C7: variants seen among roughly 807,000 people sequenced by gnomAD.
C7 encodes complement C7.
C7 carries 83 observed loss-of-function variants against 104.8 expected under a neutral mutation model. The observed-to-expected ratio is 0.79, with a 90% CI of 0.66 to 0.95. The LOEUF is 0.95. C7 is among the 40% of genes least tolerant of loss of function. C7 has a pLI of 0.00. For missense variants in C7, 1,070 were observed against 1,011.2 expected (o/e 1.06, Z -0.79); for synonymous variants, 415 against 360.6 (o/e 1.15, Z -1.71).
rs781598538 is a variant in C7 at position 40,947,657 on chromosome 5, A to G, written c.794A>G (p.Asn265Ser). The G allele has an allele frequency of 1.2e-6, 2 of 1,613,606 alleles. No homozygotes were observed. Among genetic ancestry groups the G allele is most frequent in the Admixed American group, 1.7e-5 (1 of 59,898 alleles). ...NTVEVAQFIN[N>S]NPEFLQLAEP... Reference sequence around the variant, plus strand: ...GTTGAAGTGGCTCAGTTCATTAATAACAATCCAGAATTTTTACAACTTGCT... The same window carrying G: ...GTTGAAGTGGCTCAGTTCATTAATAGCAATCCAGAATTTTTACAACTTGCT... Residue 265 changes from asparagine (N) to serine (S), a missense_variant, in exon 8 of 18, where the codon AAC (asparagine) becomes AGC (serine). Asn to Ser is a conservative substitution (Grantham distance 46). Coordinates refer to ENST00000313164, the MANE Select transcript of C7 (RefSeq NM_000587.4).
At chr5:40,914,661 C>T (rs979588950) in intron 1 of C7, among the ~76,000 whole-genome samples, 1 of 152,068 alleles carries the variant, frequency 6.6e-6, no homozygotes, top group Admixed American at 6.6e-5. Flanking sequence ...GACAGGAGGA[C>T]CTTCACATTT....
intron 8 of C7, among the ~76,000 whole-genome samples, chr5:40,948,839 G>A (rs1579857252): frequency 6.6e-6 from 1 of 152,158 alleles, no homozygotes; most frequent in Admixed American, 6.5e-5. Flanking sequence ...AGAAGAATAA[G>A]ATCTCTTACA....
At chr5:40,975,440 T>G (rs1033430275) in intron 15 of C7, among the ~76,000 whole-genome samples, 1 of 150,228 alleles carries the variant, frequency 6.7e-6, no homozygotes, top group Non-Finnish European at 1.5e-5. Flanking sequence ...CTTGGTTCAC[T>G]GCAACCTCCA....
At chr5:40,969,821 G>T (rs3805225) in intron 14 of C7, among the ~76,000 whole-genome samples, 13,378 of 151,530 alleles carry the variant, frequency 0.088, 832 homozygotes, top group East Asian at 0.19. Flanking sequence ...GTTACCAAAT[G>T]TAAATGTAAT....
chr5:40,981,739 A>C lies in C7; in HGVS notation c.*166A>C. On this transcript the variant is annotated 3_prime_UTR_variant, in exon 18 of 18. Transcript: ENST00000313164. The stretch of plus-strand genomic sequence containing the variant: ...TAAACACAATCCTTTGTTCTCCCAA[A>C]TCTGAATCGAATTACTCTTTTGCCT... The C allele has an allele frequency of 1.8e-6, 1 of 546,510 alleles. No individual in the cohort carries two copies. The highest frequency in any genetic ancestry group is 3.1e-6 in the Non-Finnish European group (1 of 318,568). 33.9% of individuals were successfully genotyped at this position (546,510 alleles called of 1,614,324 possible).
At chr5:40,951,251 A>G (rs1324756958) in intron 9 of C7, among the ~76,000 whole-genome samples, 2 of 152,140 alleles carry the variant, frequency 1.3e-5, no homozygotes, top group African/African-American at 4.8e-5. Context: ...TAAGTTCCTT[A>G]TATATTCTGA....
chr5:40,915,015 C>T (rs945915517), intron 1 of C7, among the ~76,000 whole-genome samples: 1 of 152,038 alleles, frequency 6.6e-6, no homozygotes, highest in Non-Finnish European at 1.5e-5. Context: ...GATGAAGCAA[C>T]CCCAAGAAAT....
chr5:40,935,227 C>T (rs1739787533), intron 4 of C7, among the ~76,000 whole-genome samples: 1 of 152,162 alleles, frequency 6.6e-6, no homozygotes, highest in African/African-American at 2.4e-5. Flanking sequence ...GCAATCACTT[C>T]CATATTTTCC....
chr5:40,966,376 CTT>C (rs543978425), intron 14 of C7, among the ~76,000 whole-genome samples: 7 of 144,602 alleles, frequency 4.8e-5, no homozygotes, highest in Non-Finnish European at 4.6e-5. Context: ...GGTTTTCTTT[CTT>C]TTTTTTTTTT....
chr5:40,971,543 T>G (rs1199490330), intron 14 of C7, among the ~76,000 whole-genome samples: 1 of 152,248 alleles, frequency 6.6e-6, no homozygotes, highest in Non-Finnish European at 1.5e-5. Context: ...GGTTGCCTGT[T>G]TACTCTGATG....
At chr5:40,940,443 A>G (rs1344969697) in intron 6 of C7, among the ~76,000 whole-genome samples, 2 of 152,208 alleles carry the variant, frequency 1.3e-5, no homozygotes, top group African/African-American at 4.8e-5. Context: ...GCAGAAGGGA[A>G]TGAATTATGA....
chr5:40,943,812 G>T (rs1739993191), intron 6 of C7, among the ~76,000 whole-genome samples: 1 of 149,464 alleles, frequency 6.7e-6, no homozygotes, highest in Non-Finnish European at 1.5e-5. Flanking sequence ...TCTAATAAAA[G>T]ATTTGTTGAA....
chr5:40,928,820 A>T (rs1332377531), intron 2 of C7, among the ~76,000 whole-genome samples, 185 bp downstream of exon 2: 1 of 152,192 alleles, frequency 6.6e-6, no homozygotes, highest in African/African-American at 2.4e-5. Context: ...TCTTTTACTT[A>T]AAGAAGAATA....
In C7 at chr5:40,972,499, C is replaced by T. The variant is rs1740722058; in HGVS notation, c.1979C>T (p.Ser660Leu). ...GGTGAGAAGGTGACTGTTTCCTGTT[C>T]AGGTGGCATGTCCTTAGAAGGTCCT... ...TVGEKVTVSC[S>L]GGMSLEGPSA... Residue 660 changes from serine to leucine, a missense_variant, in exon 15 of 18, where the codon TCA becomes TTA. Transcript: ENST00000313164. The T allele has an allele frequency of 5.0e-6, 8 of 1,613,840 alleles. No individual in the cohort carries two copies. The East Asian group carries it at 1.8e-4, about 36-fold the overall frequency.
intron 16 of C7, among the ~76,000 whole-genome samples, chr5:40,978,140 G>GAAAAAAAAA (rs869311131): frequency 9.3e-6 from 1 of 107,634 alleles, no homozygotes; most frequent in Non-Finnish European, 1.9e-5. Context: ...ATCTCAAAAA[G>GAAAAAAAAA]AAAAAAAAAA....
chr5:40,916,712 T>C (rs1739326586), intron 1 of C7, among the ~76,000 whole-genome samples: 1 of 152,276 alleles, frequency 6.6e-6, no homozygotes, highest in East Asian at 1.9e-4. Context: ...TTTATTTTTT[T>C]TTTAAAAAAG....
At chr5:40,930,853 A>C (rs563810744) in intron 2 of C7, among the ~76,000 whole-genome samples, 1 of 152,312 alleles carries the variant, frequency 6.6e-6, no homozygotes, top group South Asian at 2.1e-4. Flanking sequence ...GGTTTGAGCC[A>C]CTGTGCCAGC....
At chr5:40,912,980 T>C (rs925628810) in intron 1 of C7, among the ~76,000 whole-genome samples, 2 of 152,176 alleles carry the variant, frequency 1.3e-5, no homozygotes, top group Non-Finnish European at 2.9e-5. Context: ...GAGTCTCCAA[T>C]GTCTATTATT....
At chr5:40,948,701 A>G (rs1422765980) in intron 8 of C7, among the ~76,000 whole-genome samples, 1 of 152,168 alleles carries the variant, frequency 6.6e-6, no homozygotes, top group African/African-American at 2.4e-5. Flanking sequence ...GCCTTGGCTT[A>G]CTAATGTTCC....
Sources: gnomAD v4.1 joint callset for allele counts (sites outside exome capture counted in the v4.1 genomes callset) on GRCh38, gnomAD v4.1.1 for gene constraint, MANE v1.5 for transcripts, NCBI Gene and HGNC (gene_info 2026-07-23, HGNC 2026-07-21) for gene names.